CLASP2: variants seen among roughly 807,000 people sequenced by gnomAD.
The protein encoded by CLASP2 is cytoplasmic linker associated protein 2, also known as CLIP-associating protein 2.
In CLASP2, 47 loss-of-function variants were observed where a neutral mutation model predicts 194.4. The observed-to-expected ratio is 0.24, with a 90% CI of 0.19 to 0.31. The LOEUF is 0.31. CLASP2 is among the 10% of genes least tolerant of loss of function. The probability of loss-of-function intolerance (pLI) is 1.00; values close to 1 mark genes in which losing one functional copy is unlikely to be tolerated. For missense variants in CLASP2, 1,445 were observed against 1,823.6 expected, an observed-to-expected ratio of 0.79 and a Z score of 3.78; for synonymous variants, 619 against 633.5, an observed-to-expected ratio of 0.98 and a Z score of 0.34.
chr3:33,660,371 G>A (rs1404502986), intron 7 of CLASP2, among the ~76,000 whole-genome samples: 3 of 152,112 alleles, frequency 2.0e-5, no homozygotes, highest in Non-Finnish European at 4.4e-5. Context: ...TAGGGACTCT[G>A]CCTAACTTAC....
chr3:33,591,017 TA>T (rs1159883787), intron 21 of CLASP2, among the ~76,000 whole-genome samples: 1 of 149,754 alleles, frequency 6.7e-6, no homozygotes, highest in Non-Finnish European at 1.5e-5. Flanking sequence ...CCCACCTCTA[TA>T]AAAAAAAATT....
chr3:33,677,335 A>T (rs1037868175), intron 6 of CLASP2, among the ~76,000 whole-genome samples: 3 of 150,800 alleles, frequency 2.0e-5, no homozygotes, highest in Non-Finnish European at 4.5e-5. Context: ...CTGGATTAAG[A>T]AAATGTGGCA....
chr3:33,520,820 TACACACACACACACAC>T (rs57151303), intron 34 of CLASP2, among the ~76,000 whole-genome samples: 22 of 142,528 alleles, frequency 1.5e-4, no homozygotes, highest in South Asian at 4.8e-4. Flanking sequence ...TGTAAATCTC[TACACACACACACACAC>T]ACACACACAC....
At chr3:33,574,214 A>T (rs1324659481) in intron 24 of CLASP2, among the ~76,000 whole-genome samples, 3 of 152,136 alleles carry the variant, frequency 2.0e-5, no homozygotes, top group Non-Finnish European at 4.4e-5. Flanking sequence ...GATGTCTATA[A>T]AACAGATTAA....
At chr3:33,659,364 G>A (rs2084892530) in intron 7 of CLASP2, 1 of 1,069,852 alleles carries the variant, frequency 9.3e-7, no homozygotes, top group East Asian at 6.4e-5. Context: ...GACTTTTAAT[G>A]CAATCATCAA....
chr3:33,638,871 T>A (rs1317426326), intron 8 of CLASP2, among the ~76,000 whole-genome samples: 1 of 152,214 alleles, frequency 6.6e-6, no homozygotes, highest in Non-Finnish European at 1.5e-5. Context: ...CACTCTTTTC[T>A]GAGGTAAACT....
intron 27 of CLASP2, among the ~76,000 whole-genome samples, chr3:33,564,173 T>G (rs545761383): frequency 2.6e-5 from 4 of 152,310 alleles, no homozygotes; most frequent in Admixed American, 2.6e-4. Context: ...GTGTCACCAA[T>G]TAGAACTAGA....
At chr3:33,613,773 C>G (rs1328256718) in intron 12 of CLASP2, among the ~76,000 whole-genome samples, 1 of 152,192 alleles carries the variant, frequency 6.6e-6, no homozygotes. Flanking sequence ...TGGAGATCCC[C>G]TAGCTACAAC....
chr3:33,627,946 T>C (rs890651330), intron 9 of CLASP2, among the ~76,000 whole-genome samples: 1 of 151,956 alleles, frequency 6.6e-6, no homozygotes, highest in African/African-American at 2.4e-5. Context: ...ATAAAAAGTA[T>C]AAAGGGACTA....
intron 1 of CLASP2, among the ~76,000 whole-genome samples, chr3:33,699,618 A>C (rs1201706559): frequency 6.6e-6 from 1 of 152,176 alleles, no homozygotes; most frequent in African/African-American, 2.4e-5. Flanking sequence ...TGGATACCTG[A>C]AACCACAGAC....
intron 20 of CLASP2, 56 bp downstream of exon 20, chr3:33,594,895 A>G: frequency 1.0e-6 from 1 of 983,648 alleles, no homozygotes; most frequent in Non-Finnish European, 1.4e-6. Context: ...AATTCCTACC[A>G]ATGAAAATAG....
chr3:33,496,823 G>A lies in CLASP2; in HGVS notation c.*1808C>T, dbSNP rs1040218519. The A allele has an allele frequency of 1.3e-5, 2 of 152,318 alleles. No homozygotes were observed. Among genetic ancestry groups the A allele is most frequent in the African/African-American group, 4.8e-5 (2 of 41,546 alleles). The allele number at this position is 152,318 out of a possible 1,614,324, so 9.4% of individuals were successfully genotyped here. On this transcript the variant is annotated 3_prime_UTR_variant, in exon 39 of 39. Transcript: ENST00000682230. The stretch of plus-strand genomic sequence containing the variant: ...TACAGATAAGCTGTAATATATACAT[G>A]CGTATGTAGCTATATACCTTTGATT...
At chr3:33,566,172 A>G (rs978743867) in intron 27 of CLASP2, among the ~76,000 whole-genome samples, 15 of 152,222 alleles carry the variant, frequency 9.9e-5, no homozygotes, top group African/African-American at 3.6e-4. Flanking sequence ...ATTAAAGAAC[A>G]AAGTGGAAAG....
At chr3:33,551,486 A>ATT (rs34937822) in intron 29 of CLASP2, 91 bp from the exon 30 acceptor site, 6,658 of 1,048,206 alleles carry the variant, frequency 6.4e-3, no homozygotes, top group Admixed American at 8.1e-3. Context: ...GATGATGATG[A>ATT]TTTTTTTTTT....
chr3:33,590,682 A>G (rs1189451081), intron 21 of CLASP2, among the ~76,000 whole-genome samples: 1 of 152,172 alleles, frequency 6.6e-6, no homozygotes, highest in African/African-American at 2.4e-5. Flanking sequence ...TCTAATCATT[A>G]TTCTGCCTGG....
chr3:33,691,393 G>A (rs1315546147), intron 2 of CLASP2, among the ~76,000 whole-genome samples: 1 of 152,004 alleles, frequency 6.6e-6, no homozygotes, highest in Non-Finnish European at 1.5e-5. Flanking sequence ...AACTGATATA[G>A]TAATGAACAA....
chr3:33,606,846 T>A, intron 15 of CLASP2, 88 bp from the exon 16 acceptor site: 1 of 936,400 alleles, frequency 1.1e-6, no homozygotes, highest in East Asian at 2.5e-5. Context: ...AGGATGAAGA[T>A]AAGCCCACTG....
chr3:33,694,633 C>T (rs997393776), intron 2 of CLASP2, among the ~76,000 whole-genome samples: 2 of 152,030 alleles, frequency 1.3e-5, no homozygotes, highest in African/African-American at 4.8e-5. Context: ...GGAGGTTTTA[C>T]GAATTGGAAA....
Position 33,717,919 on chromosome 3 carries a change from G to C in CLASP2, c.84C>G (p.Leu28=), listed in dbSNP as rs1260033973. 9.7e-6 allele frequency: 15 copies of C among 1,552,052 alleles called. No homozygotes were observed. The Middle Eastern group carries it at 5.0e-4, about 52-fold the overall frequency. Reference sequence around the variant, plus strand: ...CGCCGGGGGCGCCAAGGTAGAGCAGGAGCTCCTGGCCGACCTGCAGCCGGC... The same window carrying C: ...CGCCGGGGGCGCCAAGGTAGAGCAGCAGCTCCTGGCCGACCTGCAGCCGGC... ...VGGRLQVGQE[L]LLYLGAPGAI... The change falls in exon 1 of 39, where the codon CTC becomes CTG. Residue 28 remains leucine, a synonymous_variant. Coordinates refer to ENST00000682230, the MANE Select transcript of CLASP2 (RefSeq NM_001365631.1).
Sources: allele counts gnomAD v4.1 joint callset (sites outside exome capture counted in the v4.1 genomes callset), GRCh38; gene constraint gnomAD v4.1.1; transcripts MANE v1.5; gene names NCBI Gene and HGNC (gene_info 2026-07-23, HGNC 2026-07-21).